The following DAB1 variants were observed in gnomAD, a reference collection of about 807,000 sequenced individuals.
DAB1 encodes the protein disabled homolog 1.
DAB1 carries 15 observed loss-of-function variants against 64.6 expected under a neutral mutation model. That is an observed-to-expected ratio of 0.23 (90% confidence interval 0.16 to 0.36). DAB1 has a LOEUF of 0.36. Among genes scored for constraint, DAB1 ranks in the 10% least tolerant of loss-of-function variants. DAB1 has a pLI of 1.00. For synonymous variants in DAB1, 235 were observed against 251.9 expected, an observed-to-expected ratio of 0.93 and a Z score of 0.64; for missense variants, 596 against 706.7, an observed-to-expected ratio of 0.84 and a Z score of 1.78.
intron 4 of DAB1, among the ~76,000 whole-genome samples, chr1:58,178,750 T>C (rs2406590): frequency 0.47 from 71,934 of 151,994 alleles, 19,511 homozygotes; most frequent in Middle Eastern, 0.69. Flanking sequence ...TTTACAACTA[T>C]TCAAAAATGT....
chr1:57,812,824 C>T (rs1651690585), intron 6 of DAB1, among the ~76,000 whole-genome samples: 1 of 152,184 alleles, frequency 6.6e-6, no homozygotes. Context: ...GGAGGATTGA[C>T]AGCTTTCACA....
chr1:57,995,230 C>T (rs1480713726), intron 5 of DAB1, among the ~76,000 whole-genome samples: 1 of 152,154 alleles, frequency 6.6e-6, no homozygotes, highest in African/African-American at 2.4e-5. Flanking sequence ...GAGGGTTACA[C>T]ATGAAAATAT....
At chr1:58,323,560 C>G (rs1662744214) in intron 4 of DAB1, among the ~76,000 whole-genome samples, 1 of 152,086 alleles carries the variant, frequency 6.6e-6, no homozygotes, top group South Asian at 2.1e-4. Context: ...TCTCCACATT[C>G]CCATCAACCA....
intron 1 of DAB1, among the ~76,000 whole-genome samples, chr1:57,335,267 C>T (rs1676989920): frequency 6.6e-6 from 1 of 151,422 alleles, no homozygotes; most frequent in Non-Finnish European, 1.5e-5. Context: ...AAGCAAAATA[C>T]ATTTGACCCA....
At chr1:57,362,593 A>G (rs938170358) in intron 1 of DAB1, among the ~76,000 whole-genome samples, 1 of 152,126 alleles carries the variant, frequency 6.6e-6, no homozygotes, top group African/African-American at 2.4e-5. Flanking sequence ...GAGTGGGATT[A>G]GTCCCCTTAT....
chr1:57,704,930 CCTTT>C (rs1207059721), intron 6 of DAB1, among the ~76,000 whole-genome samples: 47 of 151,678 alleles, frequency 3.1e-4, no homozygotes, highest in African/African-American at 9.0e-4. Flanking sequence ...TTCCTTCCTT[CCTTT>C]CTTTCTTTCT....
At chr1:57,018,682 G>C (rs1319645363) in intron 11 of DAB1, among the ~76,000 whole-genome samples, 3 of 152,144 alleles carry the variant, frequency 2.0e-5, no homozygotes, top group African/African-American at 7.2e-5. Flanking sequence ...ACATCAGCCT[G>C]TTTTTGGCTT....
At chr1:58,043,571 G>T (rs1303820337) in intron 5 of DAB1, among the ~76,000 whole-genome samples, 2 of 152,118 alleles carry the variant, frequency 1.3e-5, no homozygotes, top group Non-Finnish European at 1.5e-5. Flanking sequence ...CTACTCTAAA[G>T]CCTTCCGTGA....
At chr1:57,769,133 T>C (rs1210458950) in intron 6 of DAB1, among the ~76,000 whole-genome samples, 2 of 152,166 alleles carry the variant, frequency 1.3e-5, no homozygotes, top group Non-Finnish European at 2.9e-5. Flanking sequence ...GCATGGTACA[T>C]GCTCCGTGGG....
intron 6 of DAB1, among the ~76,000 whole-genome samples, chr1:57,817,394 G>C (rs185847045): frequency 9.4e-4 from 143 of 152,290 alleles, no homozygotes; most frequent in Non-Finnish European, 5.9e-4. Flanking sequence ...CAGATGTCAG[G>C]TCCAGGCTAT....
At chr1:57,636,408 T>C (rs954767815) in intron 7 of DAB1, among the ~76,000 whole-genome samples, 1 of 152,126 alleles carries the variant, frequency 6.6e-6, no homozygotes, top group African/African-American at 2.4e-5. Context: ...GACTTCAAGA[T>C]GGGTTGTCAT....
At chr1:57,791,745 C>G (rs1306719589) in intron 6 of DAB1, among the ~76,000 whole-genome samples, 1 of 152,150 alleles carries the variant, frequency 6.6e-6, no homozygotes, top group African/African-American at 2.4e-5. Flanking sequence ...CCGGGCTCCC[C>G]ACACTCACCT....
chr1:57,401,820 G>A (rs1452048337), intron 1 of DAB1, among the ~76,000 whole-genome samples: 13 of 152,170 alleles, frequency 8.5e-5, no homozygotes, highest in Non-Finnish European at 1.9e-4. Context: ...TCCTTTGCCT[G>A]CACAAAGGTA....
chr1:58,543,742 T>C (rs968876223), intron 1 of DAB1, among the ~76,000 whole-genome samples: 2 of 152,170 alleles, frequency 1.3e-5, no homozygotes, highest in Admixed American at 6.5e-5. Flanking sequence ...CAAAGGGATA[T>C]ACAAATTTAA....
chr1:57,640,980 A>G (rs1030365172), intron 7 of DAB1, among the ~76,000 whole-genome samples: 2 of 152,218 alleles, frequency 1.3e-5, no homozygotes, highest in Non-Finnish European at 2.9e-5. Context: ...TGGAAGAATC[A>G]TCTTGCAGCA....
intron 3 of DAB1, among the ~76,000 whole-genome samples, chr1:58,407,478 C>T (rs896461244): frequency 2.0e-5 from 3 of 152,128 alleles, no homozygotes; most frequent in South Asian, 2.1e-4. Flanking sequence ...ATGATTTGCC[C>T]CCTTTCCCCA....
chr1:57,846,299 A>C (rs1435811085), intron 1 of DAB1, among the ~76,000 whole-genome samples: 1 of 152,040 alleles, frequency 6.6e-6, no homozygotes, highest in Non-Finnish European at 1.5e-5. Context: ...CTCACTAAAA[A>C]TACAAAAAAT....
intron 5 of DAB1, among the ~76,000 whole-genome samples, chr1:58,045,005 G>GC (rs1382452066): frequency 6.6e-6 from 1 of 152,084 alleles, no homozygotes; most frequent in Non-Finnish European, 1.5e-5. Context: ...TAGAAAATCT[G>GC]TTTTTTTCTA....
intron 6 of DAB1, among the ~76,000 whole-genome samples, chr1:57,728,943 T>C (rs1419225422): frequency 6.7e-6 from 1 of 149,698 alleles, no homozygotes; most frequent in African/African-American, 2.6e-5. Flanking sequence ...GTTATTAGCC[T>C]GTCTTTTATC....
Sources: gnomAD v4.1 joint callset for allele counts (sites outside exome capture counted in the v4.1 genomes callset) on GRCh38, gnomAD v4.1.1 for gene constraint, MANE v1.5 for transcripts, NCBI Gene and HGNC (gene_info 2026-07-23, HGNC 2026-07-21) for gene names.